The following NTNG2 variants were observed in gnomAD, a reference collection of about 807,000 sequenced individuals.
NTNG2 encodes the protein netrin-G2.
Under a neutral mutation model 47.6 loss-of-function variants are expected in NTNG2, and 15 were observed. The ratio of observed to expected loss-of-function variants is 0.32; its 90% CI spans 0.21 to 0.49. The LOEUF (loss-of-function observed/expected upper bound fraction) is 0.49, where lower values mean the gene tolerates loss of function less well. Among genes scored for constraint, NTNG2 ranks in the 20% least tolerant of loss-of-function variants. The pLI is 0.99. For synonymous variants in NTNG2, 307 were observed against 324.6 expected (o/e 0.95, Z 0.58); for missense variants, 578 against 764.6 (o/e 0.76, Z 2.88).
At chr9:132,196,246 A>G (rs948800725) in intron 2 of NTNG2, among the ~76,000 whole-genome samples, 5 of 152,140 alleles carry the variant, frequency 3.3e-5, no homozygotes, top group African/African-American at 1.2e-4. Flanking sequence ...GCTGGAGTGC[A>G]ATGGCACGAT....
chr9:132,174,185 G>A (rs1836209218), intron 2 of NTNG2, among the ~76,000 whole-genome samples: 1 of 147,396 alleles, frequency 6.8e-6, no homozygotes, highest in Non-Finnish European at 1.5e-5. Context: ...CAGGCAGGTC[G>A]AACCATGCTG....
At chr9:132,232,171 C>T (rs947715751) in intron 5 of NTNG2, 2 of 152,468 alleles carry the variant, frequency 1.3e-5, no homozygotes, top group African/African-American at 4.8e-5. Flanking sequence ...GCCTTATCTC[C>T]CAATGGTGCT....
intron 5 of NTNG2, among the ~76,000 whole-genome samples, chr9:132,234,122 AGGTTCAAGCAATTCTCC>A (rs953709875): frequency 3.4e-5 from 5 of 147,170 alleles, no homozygotes; most frequent in African/African-American, 1.3e-4. Flanking sequence ...CCGCCCCCCC[AGGTTCAAGCAATTCTCC>A]TGCCTCAGCC....
intron 3 of NTNG2, among the ~76,000 whole-genome samples, chr9:132,209,478 C>T (rs1476329658): frequency 6.6e-6 from 1 of 152,190 alleles, no homozygotes; most frequent in Non-Finnish European, 1.5e-5. Flanking sequence ...CGGGCTGCAG[C>T]CCTGAGATCA....
intron 2 of NTNG2, among the ~76,000 whole-genome samples, chr9:132,195,878 C>T (rs1043281221): frequency 6.6e-6 from 1 of 151,686 alleles, no homozygotes; most frequent in Non-Finnish European, 1.5e-5. Context: ...GTGATCCTCC[C>T]ACTTCTGCCC....
At position 132,241,021 on chromosome 9, in the gene NTNG2, A is replaced by G. The variant is rs1437788408; in HGVS notation, c.1334A>G (p.His445Arg). The G allele has an allele frequency of 6.2e-7, 1 of 1,606,322 alleles. No individual in the cohort carries two copies. Among genetic ancestry groups the G allele is most frequent in the Non-Finnish European group, 8.5e-7 (1 of 1,178,734 alleles). The stretch of plus-strand genomic sequence containing the variant: ...AAGTGCGACGACTGCCTCCCCACGC[A>G]CTACTGGCGCCAGGGCTGCTACCGT... ...GPKCDDCLPTHYWRQGCYPNV... is the reference protein window; with the variant it reads ...GPKCDDCLPTRYWRQGCYPNV... The change falls in exon 7 of 8, where the codon CAC becomes CGC. Residue 445 changes from histidine to arginine, a missense_variant. His to Arg is a conservative substitution (Grantham distance 29). Transcript: ENST00000393229.
chr9:132,240,820 A>T (rs1589572979), intron 6 of NTNG2, 90 bp from the exon 7 acceptor site: 1 of 1,583,834 alleles, frequency 6.3e-7, no homozygotes, highest in East Asian at 2.3e-5. Context: ...GAGTGTGGAG[A>T]TGCTCCCTGC....
intron 3 of NTNG2, among the ~76,000 whole-genome samples, chr9:132,213,331 C>CAAAAAA (rs61393543): frequency 1.7e-4 from 18 of 104,364 alleles, no homozygotes; most frequent in Middle Eastern, 5.1e-3. Context: ...GACTCCATCT[C>CAAAAAA]AAAAAAAAAA....
intron 2 of NTNG2, among the ~76,000 whole-genome samples, chr9:132,195,597 G>A (rs2130703580): frequency 6.6e-6 from 1 of 150,688 alleles, no homozygotes; most frequent in South Asian, 2.1e-4. Flanking sequence ...AAAGTGCTGG[G>A]ATTACAGGCG....
intron 3 of NTNG2, among the ~76,000 whole-genome samples, chr9:132,211,498 T>A (rs1259995467): frequency 6.6e-6 from 1 of 152,156 alleles, no homozygotes; most frequent in Non-Finnish European, 1.5e-5. Context: ...GACCACAGAC[T>A]TTCCCTCTCA....
At chr9:132,189,750 G>T (rs532644577) in intron 2 of NTNG2, among the ~76,000 whole-genome samples, 5 of 151,972 alleles carry the variant, frequency 3.3e-5, no homozygotes, top group African/African-American at 1.2e-4. Flanking sequence ...AATGATTCTC[G>T]TGCCTCAGCC....
In NTNG2 at chr9:132,234,942, A is replaced by G. The variant is rs1841511300; in HGVS notation, c.1055-4162A>G. 2.6e-5 allele frequency among the ~76,000 whole-genome samples: 4 copies of G among 152,364 alleles called. No homozygotes were observed. The South Asian group carries it at 8.3e-4, about 32-fold the overall frequency. ...ATAATCCCTTCAAGAAGCGGAAAAC[A>G]GCAGCGCTCCCCTGTCCCTCTGGGT... On this transcript the variant is annotated intron_variant, in intron 5 of 7. Transcript: ENST00000393229.
chr9:132,211,820 G>A (rs1038458195), intron 3 of NTNG2, among the ~76,000 whole-genome samples: 1 of 152,148 alleles, frequency 6.6e-6, no homozygotes, highest in Non-Finnish European at 1.5e-5. Context: ...GCCCCCATAG[G>A]CTCTGAGCTC....
intron 5 of NTNG2, among the ~76,000 whole-genome samples, chr9:132,234,663 G>A (rs1841491654): frequency 6.6e-6 from 1 of 152,240 alleles, no homozygotes; most frequent in Non-Finnish European, 1.5e-5. Flanking sequence ...AAACGCCGCT[G>A]GAGACACTAA....
rs981092866 is a variant in NTNG2, at chr9:132,208,091, G to C, written c.857+9482G>C. Reference sequence around the variant, plus strand: ...TGCACTCCAGCCTGGGCAACAGAGCGAGACCCTATCTCAAAACCCAGGGCA... The same window carrying C: ...TGCACTCCAGCCTGGGCAACAGAGCCAGACCCTATCTCAAAACCCAGGGCA... On this transcript the variant is annotated intron_variant, in intron 3 of 7. Transcript: ENST00000393229. This position sits in a 1 kb window ranked among gnomAD's most constrained non-coding sequence, Gnocchi z 4.0. Among the ~76,000 whole-genome samples, 1 of 152,074 alleles carries C rather than the reference G, an allele frequency of 6.6e-6. No homozygotes were observed. Among genetic ancestry groups the C allele is most frequent in the Non-Finnish European group, 1.5e-5 (1 of 68,014 alleles).
intron 1 of NTNG2, chr9:132,166,011 C>T (rs1228977087): frequency 2.6e-5 from 4 of 152,184 alleles, no homozygotes; most frequent in Non-Finnish European, 5.9e-5. Context: ...TCTCTCTCCT[C>T]CCCTCTTACA....
intron 2 of NTNG2, among the ~76,000 whole-genome samples, chr9:132,189,527 C>A (rs1285633810): frequency 6.6e-6 from 1 of 152,132 alleles, no homozygotes; most frequent in Non-Finnish European, 1.5e-5. Context: ...TTCCTCCGGG[C>A]ATTGGGAGGG....
intron 3 of NTNG2, among the ~76,000 whole-genome samples, chr9:132,201,674 GC>G (rs1313099418): frequency 6.6e-6 from 1 of 152,198 alleles, no homozygotes; most frequent in East Asian, 1.9e-4. Context: ...CTCCGCTGTG[GC>G]CCACTAACAA....
At position 132,167,031 on chromosome 9, in the gene NTNG2, G is replaced by A. The variant is rs780938253; in HGVS notation, c.200G>A (p.Arg67Lys). 6.2e-7 allele frequency: 1 copy of A among 1,614,192 alleles called. No homozygotes were observed. The highest frequency in any genetic ancestry group is 1.1e-5 in the South Asian group (1 of 91,086). The change falls in exon 2 of 8, where the codon AGG becomes AAG. Residue 67 changes from arginine to lysine, a missense_variant. Arg to Lys is a conservative substitution (Grantham distance 26). Transcript: ENST00000393229. The stretch of plus-strand genomic sequence containing the variant: ...ATCACATGTGGAGACCCCCCTGAGA[G>A]GTTCTGCTCCCATGTAAGTCCACTT... ...SGITCGDPPE[R>K]FCSHENPYLC...
Sources: allele counts gnomAD v4.1 joint callset (sites outside exome capture counted in the v4.1 genomes callset), GRCh38; gene constraint gnomAD v4.1.1; non-coding constraint Gnocchi (gnomAD v3.1); transcripts MANE v1.5; gene names NCBI Gene and HGNC (gene_info 2026-07-23, HGNC 2026-07-21).